TRIM33: variants seen among roughly 807,000 people sequenced by gnomAD.
TRIM33 encodes tripartite motif containing 33, also known as E3 ubiquitin-protein ligase TRIM33.
Under a neutral mutation model 125.4 loss-of-function variants are expected in TRIM33, and 20 were observed. The ratio of observed to expected loss-of-function variants is 0.16; its 90% confidence interval spans 0.11 to 0.23. The LOEUF is 0.23. TRIM33 is among the 10% of genes least tolerant of loss of function. The pLI, the probability that TRIM33 is intolerant of heterozygous loss-of-function variation, is 1.00. For missense variants in TRIM33, 920 were observed against 1,411.4 expected (o/e 0.65, Z 5.58); for synonymous variants, 564 against 513.9 (o/e 1.10, Z -1.32).
chr1:114,440,554 T>C (rs1010350384), intron 4 of TRIM33, among the ~76,000 whole-genome samples: 48 of 152,306 alleles, frequency 3.2e-4, no homozygotes, highest in African/African-American at 1.0e-3. Context: ...CTATTTAAAA[T>C]TTTAGATGAA....
At chr1:114,422,325 C>T (rs1647256022) in intron 10 of TRIM33, among the ~76,000 whole-genome samples, 1 of 152,110 alleles carries the variant, frequency 6.6e-6, no homozygotes, top group Non-Finnish European at 1.5e-5. Flanking sequence ...GGAAAATGTT[C>T]TGAGATGATT....
intron 4 of TRIM33, among the ~76,000 whole-genome samples, chr1:114,448,033 A>T (rs145864014): frequency 6.6e-6 from 1 of 152,320 alleles, no homozygotes; most frequent in Non-Finnish European, 1.5e-5. Flanking sequence ...AAGGAAGTTA[A>T]AGAGAAGGAT....
At chr1:114,480,000 A>G (rs1365181182) in intron 1 of TRIM33, among the ~76,000 whole-genome samples, 1 of 152,204 alleles carries the variant, frequency 6.6e-6, no homozygotes, top group Non-Finnish European at 1.5e-5. Context: ...CTCATTGAGA[A>G]CAGGCCATGA....
chr1:114,510,670 C>A lies in TRIM33; in HGVS notation c.407G>T (p.Arg136Leu). Residue 136 changes from arginine (R) to leucine (L), a missense_variant, in exon 1 of 20, where the codon CGT becomes CTT. Arg to Leu is a moderately radical substitution (Grantham distance 102, BLOSUM62 -2). This residue lies in a region of TRIM33 where 75 missense variants were observed against 123.9 expected (regional missense o/e 0.61). Transcript: ENST00000358465. ...GGGCAGCAGCTTGGGCTCCGCCTCA[C>A]GCCGGCTCTGCAAGCTCTGCTGACA... The part of the protein sequence containing the change: ...AVCQQSLQSR[R>L]EAEPKLLPCL... The A allele has an allele frequency of 4.5e-6, 7 of 1,553,402 alleles. No homozygotes were observed. The highest frequency in any genetic ancestry group is 6.1e-6 in the Non-Finnish European group (7 of 1,155,936).
At chr1:114,498,164 C>A (rs2101559709) in intron 1 of TRIM33, among the ~76,000 whole-genome samples, 2 of 148,450 alleles carry the variant, frequency 1.3e-5, no homozygotes, top group African/African-American at 2.5e-5. Flanking sequence ...AATGGAATTA[C>A]CAAATATAAA....
chr1:114,410,778 CA>C (rs11364870), intron 11 of TRIM33, among the ~76,000 whole-genome samples: 52,922 of 148,560 alleles, frequency 0.36, 9,863 homozygotes, highest in African/African-American at 0.46. Context: ...CCCCTTACTA[CA>C]AAAAAAAAAG....
intron 1 of TRIM33, among the ~76,000 whole-genome samples, chr1:114,467,610 G>C (rs1650383202): frequency 6.6e-6 from 1 of 152,102 alleles, no homozygotes; most frequent in African/African-American, 2.4e-5. Flanking sequence ...CAAACCACAG[G>C]AAGTACACTT....
At chr1:114,467,288 G>C (rs576785594) in intron 1 of TRIM33, among the ~76,000 whole-genome samples, 1 of 152,264 alleles carries the variant, frequency 6.6e-6, no homozygotes, top group Admixed American at 6.5e-5. Flanking sequence ...AGAAATTCTA[G>C]ATGATTCCCA....
intron 1 of TRIM33, among the ~76,000 whole-genome samples, chr1:114,510,061 C>A (rs935318729): frequency 6.6e-6 from 1 of 152,094 alleles, no homozygotes; most frequent in Non-Finnish European, 1.5e-5. Context: ...CCAACATATT[C>A]TCTCCACCTC....
chr1:114,456,395 A>G (rs1191239521), intron 4 of TRIM33, among the ~76,000 whole-genome samples: 1 of 152,206 alleles, frequency 6.6e-6, no homozygotes, highest in Non-Finnish European at 1.5e-5. Context: ...AATTCTTTGT[A>G]CAATAATCCT....
intron 1 of TRIM33, among the ~76,000 whole-genome samples, chr1:114,482,236 TAGAG>T (rs1464675740): frequency 3.3e-5 from 5 of 152,038 alleles, no homozygotes; most frequent in Admixed American, 6.6e-5. Context: ...ACCATGAACT[TAGAG>T]AGAAATGTAT....
chr1:114,406,916 C>T (rs781607554), intron 14 of TRIM33, 25 bp downstream of exon 14: 2 of 1,609,906 alleles, frequency 1.2e-6, no homozygotes, highest in Non-Finnish European at 1.7e-6. Flanking sequence ...CCTTAAGTCC[C>T]TGTCAGACTC....
chr1:114,480,661 C>CTAGTAAAGAA (rs1557891476), intron 1 of TRIM33, among the ~76,000 whole-genome samples: 1 of 151,768 alleles, frequency 6.6e-6, no homozygotes, highest in African/African-American at 2.4e-5. Context: ...AAATGACACA[C>CTAGTAAAGAA]GGAAAACAAC....
At chr1:114,473,130 G>A (rs765969219) in intron 1 of TRIM33, among the ~76,000 whole-genome samples, 15 of 151,768 alleles carry the variant, frequency 9.9e-5, no homozygotes, top group Non-Finnish European at 2.1e-4. Flanking sequence ...GGTTTCAGGC[G>A]CCTGTAGTCC....
chr1:114,507,860 T>C (rs1218711110), intron 1 of TRIM33, among the ~76,000 whole-genome samples: 1 of 152,184 alleles, frequency 6.6e-6, no homozygotes, highest in Non-Finnish European at 1.5e-5. Context: ...CTCATGCCTG[T>C]AATCCCAGGA....
In TRIM33 at chr1:114,500,918, C is replaced by T. The variant is rs1652672863; in HGVS notation, c.526+9633G>A. ...TGAAACAAGAATTTGGGGCCGGGCG[C>T]GGTGGCTCACGCCTGTAATCCCAGC... is the stretch of plus-strand genomic sequence containing the variant. On this transcript the variant is annotated intron_variant, in intron 1 of 19. Transcript: ENST00000358465. Among the ~76,000 whole-genome samples the T allele has an allele frequency of 3.1e-5, 2 of 65,056 alleles. 1 individual carries two copies. The highest frequency in any genetic ancestry group is 1.7e-4 in the African/African-American group (2 of 12,036). The allele number at this position is 65,056 out of a possible 152,430, so 42.7% of individuals were successfully genotyped here.
At chr1:114,481,986 C>G (rs988566652) in intron 1 of TRIM33, among the ~76,000 whole-genome samples, 2 of 152,124 alleles carry the variant, frequency 1.3e-5, no homozygotes, top group African/African-American at 4.8e-5. Flanking sequence ...GTCTTGAACT[C>G]CTGACTTCAG....
At chr1:114,455,467 A>G (rs747535559) in intron 4 of TRIM33, among the ~76,000 whole-genome samples, 1 of 152,200 alleles carries the variant, frequency 6.6e-6, no homozygotes, top group East Asian at 1.9e-4. Flanking sequence ...AAATCTAGCA[A>G]TAATCTGAGA....
intron 2 of TRIM33, 28 bp downstream of exon 2, chr1:114,464,242 G>T: frequency 3.3e-6 from 4 of 1,220,058 alleles, no homozygotes; most frequent in East Asian, 2.4e-5. Context: ...ATCAAGATAG[G>T]AATATAAAGA....
Sources: gnomAD v4.1 joint callset for allele counts (sites outside exome capture counted in the v4.1 genomes callset) on GRCh38, gnomAD v4.1.1 for gene constraint, gnomAD v4.1.1 regional missense constraint, MANE v1.5 for transcripts, NCBI Gene and HGNC (gene_info 2026-07-23, HGNC 2026-07-21) for gene names.